TMEM165: variants seen among roughly 807,000 people sequenced by gnomAD.
TMEM165 encodes the protein putative divalent cation/proton antiporter TMEM165.
A neutral mutation model predicts 30.0 loss-of-function variants in TMEM165; 19 were observed. The observed-to-expected ratio is 0.63, with a 90% CI of 0.44 to 0.93. The LOEUF is 0.93. Ranked by LOEUF, TMEM165 falls within the 40% of genes least tolerant of loss-of-function variation. TMEM165 has a pLI of 0.00. For synonymous variants in TMEM165, 168 were observed against 162.9 expected (o/e 1.03, Z -0.24); for missense variants, 340 against 417.0 (o/e 0.82, Z 1.61).
Position 55,396,052 on chromosome 4 carries a change from C to T in TMEM165, c.-138C>T, listed in dbSNP as rs1333250420. 4.8e-6 allele frequency: 3 copies of T among 618,844 alleles called. No homozygotes were observed. Among genetic ancestry groups the T allele is most frequent in the African/African-American group, 2.0e-5 (1 of 51,012 alleles). 38.3% of individuals were successfully genotyped at this position (618,844 alleles called of 1,614,324 possible). On this transcript the variant is annotated 5_prime_UTR_variant, in exon 1 of 6. Transcript: ENST00000381334. ...CCTCACTCCCGCTGCTTGCACCTCC[C>T]GGATGGTGCTGACTGCTCCCTAAGC...
At chr4:55,433,845 A>G (rs1722680051) in intron 3 of TMEM165, 1 of 152,178 alleles carries the variant, frequency 6.6e-6, no homozygotes, top group South Asian at 2.1e-4. Flanking sequence ...ACAATATTCT[A>G]ATGTTGTAGT....
chr4:55,435,401 A>C (rs903173888), intron 3 of TMEM165: 4 of 1,613,804 alleles, frequency 2.5e-6, no homozygotes, highest in Admixed American at 3.3e-5. Flanking sequence ...ATGTCAAGAG[A>C]GGAAGCACGT....
At chr4:55,447,721 CTATCA>C (rs1334434159) in intron 3 of TMEM165, among the ~76,000 whole-genome samples, 4 of 152,202 alleles carry the variant, frequency 2.6e-5, no homozygotes, top group Non-Finnish European at 5.9e-5. Flanking sequence ...TATGTATCTC[CTATCA>C]TATATGTATG....
intron 3 of TMEM165, among the ~76,000 whole-genome samples, chr4:55,436,934 G>A (rs550253741): frequency 2.9e-4 from 37 of 128,470 alleles, no homozygotes; most frequent in Non-Finnish European, 5.5e-4. Context: ...TTCTTTTAAG[G>A]GCCTTTGTTC....
intron 3 of TMEM165, chr4:55,444,753 T>G (rs1560417667): frequency 1.2e-6 from 2 of 1,614,082 alleles, no homozygotes; most frequent in Non-Finnish European, 1.7e-6. Context: ...CTTTCAGATG[T>G]TGCATGGCTC....
intron 3 of TMEM165, chr4:55,444,926 C>A: frequency 1.1e-6 from 1 of 888,044 alleles, no homozygotes; most frequent in Non-Finnish European, 1.8e-6. Flanking sequence ...AGTTTCTAAT[C>A]CACCCATCTT....
chr4:55,405,287 T>C (rs777178708), intron 1 of TMEM165, among the ~76,000 whole-genome samples: 28 of 152,200 alleles, frequency 1.8e-4, no homozygotes, highest in Non-Finnish European at 3.4e-4. Flanking sequence ...TTCAGTGTTG[T>C]TTCATTATAA....
downstream of TMEM165, chr4:55,430,387 CAT>C (rs1453352684): frequency 6.6e-6 from 1 of 152,082 alleles, no homozygotes; most frequent in Non-Finnish European, 1.5e-5. Flanking sequence ...AGTGTTATGA[CAT>C]AGGGGGAAAA....
chr4:55,403,917 G>A (rs1353197028), intron 1 of TMEM165, among the ~76,000 whole-genome samples: 1 of 151,524 alleles, frequency 6.6e-6, no homozygotes, highest in African/African-American at 2.4e-5. Flanking sequence ...TGCTTCCTTT[G>A]TATCTGCTTA....
exon 4 of TMEM165, chr4:55,452,685 A>AT (rs939837981): frequency 2.5e-4 from 48 of 194,610 alleles, no homozygotes; most frequent in South Asian, 8.4e-4. Context: ...TTTAGGGAAG[A>AT]TTTTTTTTTC....
chr4:55,446,709 G>T (rs1723878841), intron 3 of TMEM165, among the ~76,000 whole-genome samples: 1 of 152,070 alleles, frequency 6.6e-6, no homozygotes, highest in African/African-American at 2.4e-5. Flanking sequence ...CCCACATTTG[G>T]TGATTCATCT....
At chr4:55,426,830 A>ATCT (rs1722223470), downstream of TMEM165, among the ~76,000 whole-genome samples, 1 of 152,176 alleles carries the variant, frequency 6.6e-6, no homozygotes, top group African/African-American at 2.4e-5. Context: ...TACTGTGGAG[A>ATCT]TCTTAAGAGG....
At chr4:55,402,795 C>CTTTTTTGTTTTTTTTTTT (rs1721080939) in intron 1 of TMEM165, among the ~76,000 whole-genome samples, 1 of 71,400 alleles carries the variant, frequency 1.4e-5, no homozygotes, top group Non-Finnish European at 2.4e-5. Flanking sequence ...TTAAAAAAAG[C>CTTTTTTGTTTTTTTTTTT]TTTTTTTTTT....
chr4:55,424,467 T>C (rs1052208778), intron 4 of TMEM165, 71 bp from the exon 5 acceptor site: 3 of 897,690 alleles, frequency 3.3e-6, no homozygotes, highest in Non-Finnish European at 3.7e-6. Context: ...TTAGTGCTTC[T>C]GAATTGTTAT....
chr4:55,423,365 T>TG (rs1722061368), intron 4 of TMEM165: 2 of 152,308 alleles, frequency 1.3e-5, no homozygotes, highest in Non-Finnish European at 1.5e-5. Context: ...CCAGGGCTGT[T>TG]GCCATAGCAT....
At chr4:55,402,962 T>G (rs1287673638) in intron 1 of TMEM165, among the ~76,000 whole-genome samples, 2 of 151,724 alleles carry the variant, frequency 1.3e-5, no homozygotes, top group Non-Finnish European at 2.9e-5. Context: ...AGCTAATTTT[T>G]TGTATTTTTA....
At chr4:55,442,280 C>T in intron 3 of TMEM165, 1 of 713,836 alleles carries the variant, frequency 1.4e-6, no homozygotes, top group Non-Finnish European at 2.4e-6. Context: ...ACAATGAATA[C>T]ATTCAGTGTT....
At chr4:55,404,210 G>A (rs1241037926) in intron 1 of TMEM165, among the ~76,000 whole-genome samples, 3 of 151,144 alleles carry the variant, frequency 2.0e-5, no homozygotes, top group Non-Finnish European at 2.9e-5. Context: ...TAGAGATGGG[G>A]TTTCATCATG....
intron 3 of TMEM165, among the ~76,000 whole-genome samples, chr4:55,445,653 C>T (rs1422990922): frequency 1.5e-5 from 2 of 131,328 alleles, no homozygotes; most frequent in Non-Finnish European, 3.1e-5. Flanking sequence ...AGCAGTGGTG[C>T]GATCATGGCT....
Sources: gnomAD v4.1 joint callset for allele counts (sites outside exome capture counted in the v4.1 genomes callset) on GRCh38, gnomAD v4.1.1 for gene constraint, MANE v1.5 for transcripts, NCBI Gene and HGNC (gene_info 2026-07-23, HGNC 2026-07-21) for gene names.